The following EPB41L4A variants were observed in gnomAD, a reference collection of about 807,000 sequenced individuals.
EPB41L4A encodes the protein erythrocyte membrane protein band 4.1 like 4A, also known as band 4.1-like protein 4A.
In EPB41L4A, 100 loss-of-function variants were observed where a neutral mutation model predicts 108.6. That is an observed-to-expected ratio of 0.92 (90% CI 0.78 to 1.09). The LOEUF is 1.09. Among genes scored for constraint, EPB41L4A ranks in the 50% least tolerant of loss-of-function variants. EPB41L4A has a pLI of 0.00. For missense variants in EPB41L4A, 1,030 were observed against 842.7 expected (o/e 1.22, Z -2.75); for synonymous variants, 319 against 289.0 (o/e 1.10, Z -1.05).
chr5:112,273,176 T>C (rs573627696), intron 4 of EPB41L4A, among the ~76,000 whole-genome samples: 3 of 152,344 alleles, frequency 2.0e-5, no homozygotes, highest in Admixed American at 2.0e-4. Context: ...CATATATCAA[T>C]GTATTAAACG....
intron 1 of EPB41L4A, among the ~76,000 whole-genome samples, chr5:112,404,310 C>T (rs912354628): frequency 1.3e-5 from 2 of 152,238 alleles, no homozygotes; most frequent in South Asian, 4.1e-4. Context: ...TCCCAACAAT[C>T]TGTGATGCAG....
At chr5:112,149,746 C>T (rs1411337986) in intron 12 of EPB41L4A, among the ~76,000 whole-genome samples, 5 of 152,044 alleles carry the variant, frequency 3.3e-5, no homozygotes, top group Admixed American at 6.5e-5. Context: ...GTTCTAAATG[C>T]GTGTCTGAGT....
intron 1 of EPB41L4A, among the ~76,000 whole-genome samples, chr5:112,316,679 A>T (rs1219353550): frequency 6.6e-6 from 1 of 152,206 alleles, no homozygotes; most frequent in Non-Finnish European, 1.5e-5. Flanking sequence ...TTTCTCAGCT[A>T]TCTATTGCTT....
In EPB41L4A at chr5:112,291,779, G is replaced by A. The variant is rs755319280; in HGVS notation, c.205-11456C>T. Among the ~76,000 whole-genome samples, 9 of 152,310 alleles carry A rather than the reference G, an allele frequency of 5.9e-5. No individual in the cohort carries two copies. In the South Asian group the frequency reaches 1.2e-3, roughly 21 times the overall value. ...CACATGCAGGTTCCTGGAGGGTGGC[G>A]TGCCCAGGAGGGCATAGAAGTTCCA... On this transcript the variant is annotated intron_variant, in intron 2 of 22. Transcript: ENST00000261486.
chr5:112,337,693 T>C (rs1020693646), intron 1 of EPB41L4A, among the ~76,000 whole-genome samples: 1 of 152,172 alleles, frequency 6.6e-6, no homozygotes. Context: ...TCAAGAGTGT[T>C]ACAATACATA....
intron 2 of EPB41L4A, among the ~76,000 whole-genome samples, chr5:112,301,920 A>C (rs1754386022): frequency 6.6e-6 from 1 of 152,044 alleles, no homozygotes; most frequent in South Asian, 2.1e-4. Flanking sequence ...ATTAATAAAA[A>C]TATAATAACA....
chr5:112,397,532 T>C (rs1482659903), intron 1 of EPB41L4A, among the ~76,000 whole-genome samples: 1 of 152,082 alleles, frequency 6.6e-6, no homozygotes, highest in Admixed American at 6.5e-5. Flanking sequence ...AGACCACTAC[T>C]ATAATAAAGT....
intron 17 of EPB41L4A, among the ~76,000 whole-genome samples, chr5:112,187,696 A>T (rs1761494896): frequency 6.6e-6 from 1 of 152,198 alleles, no homozygotes. Flanking sequence ...CAAATCCCCG[A>T]GTTTTATTGT....
intron 1 of EPB41L4A, among the ~76,000 whole-genome samples, chr5:112,361,710 AAATAAT>A (rs869095266): frequency 5.0e-5 from 7 of 140,694 alleles, no homozygotes; most frequent in African/African-American, 1.0e-4. Flanking sequence ...TGCTAAAAAA[AAATAAT>A]AATAATAATA....
At position 112,419,127 on chromosome 5, in the gene EPB41L4A, A is replaced by G; in HGVS notation, c.-88T>C. 4.0e-6 allele frequency: 4 copies of G among 994,782 alleles called. No homozygotes were observed. The highest frequency in any genetic ancestry group is 6.3e-6 in the Non-Finnish European group (4 of 637,798). 61.6% of individuals were successfully genotyped at this position (994,782 alleles called of 1,614,324 possible). On this transcript the variant is annotated 5_prime_UTR_variant, in exon 1 of 23. Coordinates refer to ENST00000261486, the MANE Select transcript of EPB41L4A (RefSeq NM_022140.5). The stretch of plus-strand genomic sequence containing the variant: ...CCACTCAAGCGCGATGCATTAATTT[A>G]TTGTCCGCGCCGTGGCGAGGGTGAG...
intron 15 of EPB41L4A, among the ~76,000 whole-genome samples, chr5:112,199,671 G>T (rs912551898): frequency 6.6e-6 from 1 of 152,122 alleles, no homozygotes; most frequent in African/African-American, 2.4e-5. Flanking sequence ...ACTGGCAATT[G>T]TCCCTTTCAA....
At chr5:112,259,803 G>A in intron 8 of EPB41L4A, 88 bp downstream of exon 8, 1 of 959,848 alleles carries the variant, frequency 1.0e-6, no homozygotes. Context: ...AAATATACCT[G>A]TTTTCTTTTC....
intron 11 of EPB41L4A, among the ~76,000 whole-genome samples, chr5:112,238,444 A>G (rs1332688065): frequency 6.6e-6 from 1 of 152,224 alleles, no homozygotes; most frequent in Non-Finnish European, 1.5e-5. Context: ...AATAATATAT[A>G]AAGATGAATG....
intron 1 of EPB41L4A, among the ~76,000 whole-genome samples, chr5:112,362,078 T>C (rs1440359155): frequency 1.3e-5 from 2 of 152,180 alleles, no homozygotes; most frequent in Non-Finnish European, 2.9e-5. Flanking sequence ...ATTTTAAGTA[T>C]GTAACACAAT....
intron 9 of EPB41L4A, among the ~76,000 whole-genome samples, chr5:112,244,576 T>C (rs949986999): frequency 6.6e-6 from 1 of 152,190 alleles, no homozygotes; most frequent in South Asian, 2.1e-4. Flanking sequence ...CTGATTTATA[T>C]AGGGCTCACA....
At chr5:112,304,683 T>A (rs535881426) in intron 2 of EPB41L4A, among the ~76,000 whole-genome samples, 1 of 152,168 alleles carries the variant, frequency 6.6e-6, no homozygotes, top group African/African-American at 2.4e-5. Flanking sequence ...TCCGCTGATA[T>A]CACCAGCAAT....
intron 12 of EPB41L4A, among the ~76,000 whole-genome samples, chr5:112,233,334 G>T (rs1749093017): frequency 6.6e-6 from 1 of 152,206 alleles, no homozygotes; most frequent in Non-Finnish European, 1.5e-5. Context: ...GGGAGGAAAT[G>T]GTGAGAACAC....
At chr5:112,386,876 G>T (rs905657902) in intron 1 of EPB41L4A, among the ~76,000 whole-genome samples, 1 of 152,224 alleles carries the variant, frequency 6.6e-6, no homozygotes, top group Non-Finnish European at 1.5e-5. Flanking sequence ...GAGGAAAACA[G>T]ACCAGATGGT....
intron 1 of EPB41L4A, among the ~76,000 whole-genome samples, chr5:112,335,507 G>A (rs1756859456): frequency 6.6e-6 from 1 of 152,102 alleles, no homozygotes. Flanking sequence ...ATTAAATCAG[G>A]CCCTCAAACT....
Sources: gnomAD v4.1 joint callset for allele counts (sites outside exome capture counted in the v4.1 genomes callset) on GRCh38, gnomAD v4.1.1 for gene constraint, MANE v1.5 for transcripts, NCBI Gene and HGNC (gene_info 2026-07-23, HGNC 2026-07-21) for gene names.